Variants in TET2 observed in about 807,000 individuals in gnomAD.
TET2 encodes tet methylcytosine dioxygenase 2.
Under a neutral mutation model 142.9 loss-of-function variants are expected in TET2, and 299 were observed. The observed-to-expected ratio is 2.09, with a 90% CI of 1.90 to 2.30. The LOEUF is 2.30. TET2 is among the 30% of genes most tolerant of loss of function. The pLI, the probability that TET2 is intolerant of heterozygous loss-of-function variation, is 0.00. For synonymous variants in TET2, 819 were observed against 849.0 expected, an observed-to-expected ratio of 0.96 and a Z score of 0.61; for missense variants, 2,418 against 2,378.0, an observed-to-expected ratio of 1.02 and a Z score of -0.35.
chr4:105,223,001 G>C (rs891855345), intron 2 of TET2, among the ~76,000 whole-genome samples: 1 of 152,040 alleles, frequency 6.6e-6, no homozygotes, highest in Non-Finnish European at 1.5e-5. Flanking sequence ...GTTTTTCTCA[G>C]GTTTGTCAAA....
chr4:105,275,267 C>A lies in TET2; in HGVS notation c.4757C>A (p.Ser1586Ter). 2 of 1,552,318 alleles carry A rather than the reference C, an allele frequency of 1.3e-6. No homozygotes were observed. Among genetic ancestry groups the A allele is most frequent in the Non-Finnish European group, 1.7e-6 (2 of 1,147,118 alleles). ...CCTTATCCAAACTCTTCACACACTT[C>A]AGATATCTATGGAAGCACCAGCCCT... ...VSPYPNSSHT[S>*]DIYGSTSPMN... is the part of the protein sequence containing the mutation. Residue 1586 changes from serine (S) to a stop codon, truncating the protein, a stop_gained, in exon 11 of 11, where the codon TCA becomes TAA. Transcript: ENST00000380013. LOFTEE classifies it low-confidence loss of function (END_TRUNC).
At chr4:105,267,899 G>A (rs1730767606) in intron 8 of TET2, among the ~76,000 whole-genome samples, 1 of 152,016 alleles carries the variant, frequency 6.6e-6, no homozygotes. Context: ...AAAACCATTT[G>A]ATAATATTCA....
chr4:105,235,098 G>C lies in TET2; in HGVS notation c.1156G>C (p.Val386Leu), dbSNP rs1490473531. 1 of 1,614,034 alleles carries C rather than the reference G, an allele frequency of 6.2e-7. No individual in the cohort carries two copies. The change falls in exon 3 of 11, where the codon GTG (valine) becomes CTG (leucine). Residue 386 changes from valine (V) to leucine (L), a missense_variant. Physicochemically the swap from Val to Leu is conservative, Grantham distance 32. Transcript: ENST00000380013. ...TGGTGCTTACTTCAAGCAAAGCTCA[G>C]TGTTCACTAAGGATTCCTTTTCTGC... ...MNGAYFKQSS[V>L]FTKDSFSATT...
At chr4:105,217,031 A>T (rs1394061090) in intron 2 of TET2, among the ~76,000 whole-genome samples, 2 of 152,006 alleles carry the variant, frequency 1.3e-5, no homozygotes, top group Non-Finnish European at 2.9e-5. Flanking sequence ...TTGAGTTTAC[A>T]ATTTTTTTGT....
intron 1 of TET2, chr4:105,177,846 G>T (rs1724890345): frequency 6.6e-6 from 1 of 152,288 alleles, no homozygotes; most frequent in Admixed American, 6.5e-5. Flanking sequence ...ACTTTGGGAG[G>T]CCCAGGCAGG....
chr4:105,272,778 A>C lies in TET2; in HGVS notation c.4397A>C (p.Gln1466Pro). 1 of 1,551,720 alleles carries C rather than the reference A, an allele frequency of 6.4e-7. No homozygotes were observed. The highest frequency in any genetic ancestry group is 8.7e-7 in the Non-Finnish European group (1 of 1,146,976). ...GCAGAGCCAGTCAAGACTTGCCGAC[A>C]AAGGAAACTAGAAGCCAAGAAAGCT... ...MLAEPVKTCR[Q>P]RKLEAKKAAA... The change falls in exon 10 of 11, where the codon CAA becomes CCA. Residue 1466 changes from glutamine (Q) to proline (P), a missense_variant. By Grantham distance (76) the Gln-to-Pro change is moderately conservative. Coordinates refer to ENST00000380013, the MANE Select transcript of TET2 (RefSeq NM_001127208.3).
In TET2 at chr4:105,234,864, G is replaced by C. The variant is rs569067880; in HGVS notation, c.922G>C (p.Ala308Pro). The part of the protein sequence containing the change: ...ADDADNASKL[A>P]AMLNTCSFQK... ...TGATGCTGATAATGCCAGTAAACTA[G>C]CTGCAATGCTAAATACCTGTTCCTT... The change falls in exon 3 of 11, where the codon GCT becomes CCT. Residue 308 changes from alanine (A) to proline (P), a missense_variant. By Grantham distance (27) the Ala-to-Pro change is conservative (BLOSUM62 -1). Transcript: ENST00000380013. The C allele has an allele frequency of 6.2e-7, 1 of 1,614,008 alleles. No homozygotes were observed. Among genetic ancestry groups the C allele is most frequent in the Non-Finnish European group, 8.5e-7 (1 of 1,180,008 alleles).
chr4:105,230,788 T>G (rs908933871), intron 2 of TET2, among the ~76,000 whole-genome samples: 3 of 152,232 alleles, frequency 2.0e-5, no homozygotes, highest in Non-Finnish European at 4.4e-5. Context: ...CTTTCCCATC[T>G]TTTATGACTT....
At chr4:105,161,236 GGATA>G (rs1304939997) in intron 1 of TET2, among the ~76,000 whole-genome samples, 1 of 152,092 alleles carries the variant, frequency 6.6e-6, no homozygotes, top group Non-Finnish European at 1.5e-5. Context: ...TAAAATCTAA[GGATA>G]GATATTTTTT....
At chr4:105,157,431 A>G (rs1368322084) in intron 1 of TET2, among the ~76,000 whole-genome samples, 1 of 152,178 alleles carries the variant, frequency 6.6e-6, no homozygotes, top group Non-Finnish European at 1.5e-5. Context: ...AGCCACTGAA[A>G]TGGTTTTTTC....
intron 4 of TET2, chr4:105,242,306 G>A: frequency 9.3e-7 from 1 of 1,079,140 alleles, no homozygotes; most frequent in Non-Finnish European, 1.1e-6. Context: ...TAAACAAGCA[G>A]TAGGTGGTGC....
chr4:105,247,299 T>G (rs1729627003), intron 6 of TET2, among the ~76,000 whole-genome samples: 2 of 152,196 alleles, frequency 1.3e-5, no homozygotes, highest in Non-Finnish European at 2.9e-5. Flanking sequence ...CATTTAATAT[T>G]TAGACTGTGT....
chr4:105,154,174 G>A (rs780661890), intron 1 of TET2, among the ~76,000 whole-genome samples: 8 of 152,148 alleles, frequency 5.3e-5, no homozygotes, highest in Non-Finnish European at 8.8e-5. Flanking sequence ...ATTTCTTTTG[G>A]TGATGATGAA....
rs1039232794 is a variant in TET2, at chr4:105,236,146, G to A, written c.2204G>A (p.Ser735Asn). Residue 735 changes from serine (S) to asparagine (N), a missense_variant, in exon 3 of 11, where the codon AGT becomes AAT. By Grantham distance (46) the Ser-to-Asn change is conservative. Coordinates refer to ENST00000380013, the MANE Select transcript of TET2 (RefSeq NM_001127208.3). ...KQAAQTQPSQ[S>N]SHLPQNQQQQ... ...GCAGCACAAACACAACCATCCCAGA[G>A]TTCACATCTCCCTCAAAACCAGCAA... 3 of 1,613,870 alleles carry A rather than the reference G, an allele frequency of 1.9e-6. No homozygotes were observed. The highest frequency in any genetic ancestry group is 2.7e-5 in the African/African-American group (2 of 74,878).
rs781551996 is a variant in TET2 at position 105,243,722 on chromosome 4, C to T, written c.3747C>T (p.Thr1249=). ...SLADKLYSEL[T]ETLRKYGTLT... ...CTGACAAACTCTACTCGGAGCTTAC[C>T]GAGACGCTGAGGAAATACGGCACGC... The change falls in exon 6 of 11, where the codon ACC becomes ACT. Residue 1249 remains threonine, a synonymous_variant. Transcript: ENST00000380013. The T allele has an allele frequency of 5.2e-6, 8 of 1,551,444 alleles. No individual in the cohort carries two copies. In the South Asian group the frequency reaches 5.9e-5, roughly 12 times the overall value.
chr4:105,173,279 G>A (rs1206380593), intron 1 of TET2, among the ~76,000 whole-genome samples: 2 of 151,852 alleles, frequency 1.3e-5, no homozygotes, highest in Non-Finnish European at 2.9e-5. Context: ...CGGCACTTTG[G>A]GAGGCCGAGG....
chr4:105,250,396 T>G (rs1729809191), intron 6 of TET2, among the ~76,000 whole-genome samples: 1 of 141,234 alleles, frequency 7.1e-6, no homozygotes, highest in Non-Finnish European at 1.5e-5. Context: ...TTTTTTTTTT[T>G]TTTTTTTTTT....
At chr4:105,169,701 T>C (rs1724350248) in intron 1 of TET2, among the ~76,000 whole-genome samples, 1 of 152,252 alleles carries the variant, frequency 6.6e-6, no homozygotes, top group Non-Finnish European at 1.5e-5. Context: ...TCTAGAATTT[T>C]TATAGTTTCA....
chr4:105,195,142 T>C (rs1172263063), intron 2 of TET2, among the ~76,000 whole-genome samples: 14 of 152,194 alleles, frequency 9.2e-5, no homozygotes, highest in Admixed American at 9.2e-4. Flanking sequence ...CTGCACCTTA[T>C]GAAAGTCATT....
Sources: gnomAD v4.1 joint callset for allele counts (sites outside exome capture counted in the v4.1 genomes callset) on GRCh38, gnomAD v4.1.1 for gene constraint, MANE v1.5 for transcripts, NCBI Gene and HGNC (gene_info 2026-07-23, HGNC 2026-07-21) for gene names.